The following CREBBP variants were observed in gnomAD, a reference collection of about 807,000 sequenced individuals.
CREBBP encodes CREB-binding protein.
CREBBP carries 19 observed loss-of-function variants against 265.0 expected under a neutral mutation model. The ratio of observed to expected loss-of-function variants is 0.07; its 90% CI spans 0.05 to 0.11. The LOEUF (loss-of-function observed/expected upper bound fraction) is 0.11, where lower values mean the gene tolerates loss of function less well. Ranked by LOEUF, CREBBP falls within the 10% of genes least tolerant of loss-of-function variation. The pLI is 1.00. For synonymous variants in CREBBP, 1,457 were observed against 1,223.7 expected (o/e 1.19, Z -3.98); for missense variants, 2,525 against 3,219.0 (o/e 0.78, Z 5.22).
At chr16:3,848,088 T>C (rs2054706020) in intron 2 of CREBBP, among the ~76,000 whole-genome samples, 1 of 151,686 alleles carries the variant, frequency 6.6e-6, no homozygotes, top group African/African-American at 2.4e-5. Context: ...GACAATCACT[T>C]GAACCCAGGA....
At chr16:3,821,734 A>G (rs1035226637) in intron 2 of CREBBP, among the ~76,000 whole-genome samples, 1 of 152,224 alleles carries the variant, frequency 6.6e-6, no homozygotes, top group Non-Finnish European at 1.5e-5. Flanking sequence ...TTTATTCTAT[A>G]AAGACTGAAT....
At chr16:3,870,731 A>C (rs2055276732) in intron 1 of CREBBP, among the ~76,000 whole-genome samples, 1 of 152,234 alleles carries the variant, frequency 6.6e-6, no homozygotes. Flanking sequence ...ACATCATCTT[A>C]GTCCTCACTG....
chr16:3,730,811 A>G (rs990573341), intron 30 of CREBBP, among the ~76,000 whole-genome samples: 1 of 152,162 alleles, frequency 6.6e-6, no homozygotes, highest in Non-Finnish European at 1.5e-5. Flanking sequence ...AGGGGGGTCA[A>G]AATTCCTAGA....
At chr16:3,867,901 G>A (rs939883460) in intron 1 of CREBBP, among the ~76,000 whole-genome samples, 9 of 152,022 alleles carry the variant, frequency 5.9e-5, no homozygotes, top group Non-Finnish European at 1.0e-4. Context: ...ACACCAGCCT[G>A]GCGGACAGAG....
chr16:3,753,118 T>TGCG (rs755217211), intron 19 of CREBBP, among the ~76,000 whole-genome samples: 49 of 152,296 alleles, frequency 3.2e-4, no homozygotes, highest in Non-Finnish European at 5.9e-4. Context: ...TTAAAAACAG[T>TGCG]GCGACAGGAC....
Position 3,738,620 on chromosome 16 carries a change from G to C in CREBBP, c.4333C>G (p.Leu1445Val), listed in dbSNP as rs753492623. The C allele has an allele frequency of 6.2e-7, 1 of 1,614,046 alleles. No individual in the cohort carries two copies. Among genetic ancestry groups the C allele is most frequent in the East Asian group, 2.2e-5 (1 of 44,884 alleles). Residue 1445 changes from leucine to valine, a missense_variant, in exon 26 of 31, where the codon CTC becomes GTC. Leu to Val is a conservative substitution (Grantham distance 32). Coordinates refer to ENST00000262367, the MANE Select transcript of CREBBP (RefSeq NM_004380.3). ...DSIHFFRPRCLRTAVYHEILI... is the reference protein window; with the variant it reads ...DSIHFFRPRCVRTAVYHEILI... ...ATCTCATGGTAAACGGCTGTGCGGA[G>C]GCAACGTGGCCGGAAGAAATGAATA...
chr16:3,832,767 T>C (rs1294856135), intron 2 of CREBBP, among the ~76,000 whole-genome samples: 2 of 152,184 alleles, frequency 1.3e-5, no homozygotes, highest in Admixed American at 1.3e-4. Flanking sequence ...GCATAAATCC[T>C]GAACAATATT....
At chr16:3,857,587 G>A (rs1597067141) in intron 1 of CREBBP, among the ~76,000 whole-genome samples, 1 of 148,218 alleles carries the variant, frequency 6.7e-6, no homozygotes, top group African/African-American at 2.7e-5. Context: ...CTGTATCATC[G>A]GAAGTTCCTA....
At chr16:3,827,224 A>G (rs897331683) in intron 2 of CREBBP, among the ~76,000 whole-genome samples, 14 of 152,126 alleles carry the variant, frequency 9.2e-5, no homozygotes, top group African/African-American at 2.4e-4. Flanking sequence ...AGGAAATGTG[A>G]TAAGTATCAA....
intron 1 of CREBBP, among the ~76,000 whole-genome samples, chr16:3,856,580 C>T (rs2054969033): frequency 6.6e-6 from 1 of 152,152 alleles, no homozygotes; most frequent in African/African-American, 2.4e-5. Flanking sequence ...TTCAGTCTCC[C>T]AAAGCACTGG....
intron 3 of CREBBP, among the ~76,000 whole-genome samples, chr16:3,794,928 G>A (rs888730857): frequency 2.0e-5 from 3 of 151,996 alleles, no homozygotes; most frequent in Non-Finnish European, 2.9e-5. Context: ...TACGCCACTC[G>A]GATTTTTTAA....
intron 19 of CREBBP, among the ~76,000 whole-genome samples, chr16:3,753,055 A>G (rs904605322): frequency 3.3e-5 from 5 of 152,196 alleles, no homozygotes; most frequent in African/African-American, 1.2e-4. Flanking sequence ...CGGCAGCACG[A>G]ATGCGGTTTA....
At position 3,844,170 on chromosome 16, in the gene CREBBP, A is replaced by G. The variant is rs898790826; in HGVS notation, c.798+6127T>C. On this transcript the variant is annotated intron_variant, in intron 2 of 30. Coordinates refer to ENST00000262367, the MANE Select transcript of CREBBP (RefSeq NM_004380.3). ...CTCAAAAAAAAAAAAAAAAAAAAAAAAAAGACTTTCAAACTCTTTTTGACC... is the reference window on the plus strand; with the variant it reads ...CTCAAAAAAAAAAAAAAAAAAAAAAGAAAGACTTTCAAACTCTTTTTGACC... Among the ~76,000 whole-genome samples the G allele has an allele frequency of 5.3e-5, 8 of 151,212 alleles. No individual in the cohort carries two copies. In the South Asian group the frequency reaches 1.0e-3, roughly 20 times the overall value.
At chr16:3,799,977 A>G (rs2053680333) in intron 3 of CREBBP, among the ~76,000 whole-genome samples, 1 of 152,382 alleles carries the variant, frequency 6.6e-6, no homozygotes, top group Non-Finnish European at 1.5e-5. Context: ...CAGACGAATC[A>G]GTAAGAAAAT....
chr16:3,854,239 A>G (rs2054914662), intron 1 of CREBBP, among the ~76,000 whole-genome samples: 1 of 152,200 alleles, frequency 6.6e-6, no homozygotes, highest in African/African-American at 2.4e-5. Flanking sequence ...AACCAGGACC[A>G]TTGTGGAAAA....
intron 1 of CREBBP, among the ~76,000 whole-genome samples, chr16:3,879,443 T>C (rs979502082): frequency 3.3e-5 from 5 of 152,236 alleles, no homozygotes; most frequent in Non-Finnish European, 7.3e-5. Context: ...TCTTGCTTTC[T>C]CTAAGCATCA....
At chr16:3,815,529 T>TAA (rs2054020546) in intron 2 of CREBBP, among the ~76,000 whole-genome samples, 1 of 94,630 alleles carries the variant, frequency 1.1e-5, no homozygotes, top group African/African-American at 4.4e-5. Context: ...AGACTCCATC[T>TAA]CAAAAAAAAA....
Position 3,728,437 on chromosome 16 carries a change from G to C in CREBBP, c.6610C>G (p.Gln2204Glu), listed in dbSNP as rs2151302839. ...TGTTGCTGCTGTTGTTGCTGCTGCT[G>C]TTGCTGCTGCTGCTGCAGCAGCTGC... ...RRQLLQQQQQQQQQQQQQQQQ... is the reference protein window; with the variant it reads ...RRQLLQQQQQEQQQQQQQQQQ... The change falls in exon 31 of 31, where the codon CAG (glutamine) becomes GAG (glutamate). Residue 2204 changes from glutamine to glutamate, a missense_variant. Physicochemically the swap from Gln to Glu is conservative, Grantham distance 29. This residue lies in a region of CREBBP where 473 missense variants were observed against 459.3 expected (regional missense o/e 1.03). Transcript: ENST00000262367. The surrounding 1 kb of genome is among the most constrained non-coding windows in gnomAD (Gnocchi z 8.7). 6.2e-7 allele frequency: 1 copy of C among 1,612,202 alleles called. No homozygotes were observed. The highest frequency in any genetic ancestry group is 8.5e-7 in the Non-Finnish European group (1 of 1,179,694).
At chr16:3,853,717 A>G (rs1188256868) in intron 1 of CREBBP, among the ~76,000 whole-genome samples, 1 of 152,074 alleles carries the variant, frequency 6.6e-6, no homozygotes, top group Non-Finnish European at 1.5e-5. Context: ...CAGGCAGACG[A>G]TCTGAGGTCA....
Sources: allele counts gnomAD v4.1 joint callset (sites outside exome capture counted in the v4.1 genomes callset), GRCh38; gene constraint gnomAD v4.1.1; regional missense constraint gnomAD v4.1.1; non-coding constraint Gnocchi (gnomAD v3.1); transcripts MANE v1.5; gene names NCBI Gene and HGNC (gene_info 2026-07-23, HGNC 2026-07-21).